Variants in CFAP74 observed in about 807,000 individuals in gnomAD.
CFAP74 encodes the protein cilia and flagella associated protein 74, also known as cilia- and flagella-associated protein 74.
CFAP74 carries 124 observed loss-of-function variants against 188.9 expected under a neutral mutation model. The ratio of observed to expected loss-of-function variants is 0.66; its 90% CI spans 0.57 to 0.76. CFAP74 has a LOEUF of 0.76. CFAP74 is among the 30% of genes least tolerant of loss of function. The pLI, the probability that CFAP74 is intolerant of heterozygous loss-of-function variation, is 0.00. For missense variants in CFAP74, 2,198 were observed against 2,165.2 expected (o/e 1.02, Z -0.30); for synonymous variants, 956 against 916.7 (o/e 1.04, Z -0.77).
At chr1:1,993,968 C>A (rs1052326411) in intron 1 of CFAP74, among the ~76,000 whole-genome samples, 1 of 150,578 alleles carries the variant, frequency 6.6e-6, no homozygotes, top group Non-Finnish European at 1.5e-5. Context: ...GGCGACAGAG[C>A]AAGACTCCGT....
At chr1:1,997,148 C>T (rs1045351407) in intron 1 of CFAP74, among the ~76,000 whole-genome samples, 2 of 152,054 alleles carry the variant, frequency 1.3e-5, no homozygotes, top group Non-Finnish European at 2.9e-5. Context: ...GGCGGCCGGG[C>T]GCGGTGGCGC....
intron 6 of CFAP74, among the ~76,000 whole-genome samples, chr1:1,977,233 A>G (rs1656507853): frequency 2.0e-5 from 3 of 152,164 alleles, no homozygotes; most frequent in Non-Finnish European, 4.4e-5. Context: ...GTTCCAGCAG[A>G]CCAATTTCAG....
chr1:1,970,529 A>G, intron 10 of CFAP74, 130 bp downstream of exon 10: 1 of 1,059,824 alleles, frequency 9.4e-7, no homozygotes, highest in South Asian at 1.6e-5. Flanking sequence ...CCCGTGCCCC[A>G]CAGCCGCCTG....
chr1:1,986,916 C>T, intron 5 of CFAP74, 21 bp downstream of exon 5: 1 of 1,594,088 alleles, frequency 6.3e-7, no homozygotes. Flanking sequence ...GGTTCCCTGC[C>T]CCCTGGCGAG....
intron 14 of CFAP74, 141 bp from the exon 15 acceptor site, chr1:1,960,171 C>T (rs1040105996): frequency 4.3e-6 from 3 of 695,466 alleles, no homozygotes; most frequent in Non-Finnish European, 7.2e-6. Flanking sequence ...CGCCTTCACC[C>T]CGGGGAGTGC....
Position 1,958,101 on chromosome 1 carries a change from T to C in CFAP74, c.1851+1019A>G, listed in dbSNP as rs115831495. Among the ~76,000 whole-genome samples, 1,142 of 152,226 alleles carry C rather than the reference T, an allele frequency of 7.5e-3. 23 individuals carry two copies. Among genetic ancestry groups the C allele is most frequent in the African/African-American group, 0.026 (1,063 of 41,518 alleles). On this transcript the variant is annotated intron_variant, in intron 16 of 38. Transcript: ENST00000682832. ...TCGGTGACTCTCATCCCAACCCCTC[T>C]CCACGGCGACACGCGGTGAAGGAGG...
chr1:1,986,945 C>G lies in CFAP74; in HGVS notation c.387G>C (p.Ala129=), dbSNP rs545273927. Reference sequence around the variant, plus strand: ...TGGCGAGGGCCACCTACATGTTGCCCGCCTCTTCCTCTGTGGCGATCTCGG... The same window carrying G: ...TGGCGAGGGCCACCTACATGTTGCCGGCCTCTTCCTCTGTGGCGATCTCGG... ...VAAEIATEEE[A]GNMAAVGRLQ... Residue 129 remains alanine, a synonymous_variant, in exon 5 of 39, where the codon GCG becomes GCC. Transcript: ENST00000682832. 1.9e-6 allele frequency: 3 copies of G among 1,601,246 alleles called. No homozygotes were observed. The highest frequency in any genetic ancestry group is 2.5e-6 in the Non-Finnish European group (3 of 1,179,376).
chr1:2,002,569 C>T (rs1401295121), intron 1 of CFAP74, among the ~76,000 whole-genome samples: 1 of 150,958 alleles, frequency 6.6e-6, no homozygotes, highest in Non-Finnish European at 1.5e-5. Flanking sequence ...ACTTGGGAGG[C>T]TGAGGCAGGA....
intron 18 of CFAP74, among the ~76,000 whole-genome samples, chr1:1,948,122 T>C (rs983980856): frequency 1.4e-4 from 21 of 151,864 alleles, no homozygotes; most frequent in African/African-American, 3.9e-4. Flanking sequence ...CTGCCCACCT[T>C]GGCCTCCCAA....
intron 18 of CFAP74, among the ~76,000 whole-genome samples, chr1:1,948,033 T>A (rs112296232): frequency 1.3e-5 from 2 of 152,092 alleles, no homozygotes; most frequent in Non-Finnish European, 2.9e-5. Context: ...CCATCATGCC[T>A]GGCTAATTTT....
intron 14 of CFAP74, among the ~76,000 whole-genome samples, chr1:1,963,108 T>A (rs1401153369): frequency 6.6e-6 from 1 of 152,116 alleles, no homozygotes; most frequent in Non-Finnish European, 1.5e-5. Flanking sequence ...ACTGGCTAAT[T>A]GCCAGGGAAA....
chr1:1,935,867 TAC>T (rs35582265), intron 25 of CFAP74, among the ~76,000 whole-genome samples: 1,565 of 147,368 alleles, frequency 0.011, 26 homozygotes, highest in African/African-American at 0.034. Context: ...TTTTCAGCAC[TAC>T]ACACACACAC....
At chr1:1,955,159 A>C in intron 18 of CFAP74, 1 of 1,280,864 alleles carries the variant, frequency 7.8e-7, no homozygotes, top group African/African-American at 1.5e-5. Context: ...ACGCGAAGAC[A>C]GACAGGAGGA....
intron 1 of CFAP74, among the ~76,000 whole-genome samples, chr1:1,992,733 C>T (rs1657661621): frequency 6.6e-6 from 1 of 152,004 alleles, no homozygotes; most frequent in Non-Finnish European, 1.5e-5. Flanking sequence ...CTCGGCCTCC[C>T]AAAGTGCTGG....
chr1:1,994,638 G>C (rs1360646638), intron 1 of CFAP74, among the ~76,000 whole-genome samples: 1 of 152,224 alleles, frequency 6.6e-6, no homozygotes, highest in Non-Finnish European at 1.5e-5. Context: ...CTCTGTGCTT[G>C]TGAATTCCAT....
intron 6 of CFAP74, 31 bp from the exon 7 acceptor site, chr1:1,974,229 G>C: frequency 6.4e-7 from 1 of 1,555,282 alleles, no homozygotes; most frequent in Non-Finnish European, 8.7e-7. Context: ...AGCTGGAGAC[G>C]GGCCCCACAG....
At chr1:1,989,601 C>T (rs1179944467) in intron 2 of CFAP74, among the ~76,000 whole-genome samples, 1 of 152,210 alleles carries the variant, frequency 6.6e-6, no homozygotes, top group Non-Finnish European at 1.5e-5. Context: ...GCTGAGGCTA[C>T]AGATGTGTCC....
At chr1:1,955,039 AAGTGCGGCTCACACC>A (rs1654463178) in intron 18 of CFAP74, 1 of 1,258,066 alleles carries the variant, frequency 7.9e-7, no homozygotes, top group Non-Finnish European at 1.0e-6. Context: ...CTCACACCGG[AAGTGCGGCTCACACC>A]GGAAGTGCGG....
At chr1:1,958,075 A>T (rs1374843021) in intron 16 of CFAP74, among the ~76,000 whole-genome samples, 1 of 152,212 alleles carries the variant, frequency 6.6e-6, no homozygotes, top group Non-Finnish European at 1.5e-5. Flanking sequence ...CTCTGCCACC[A>T]TCGGTGACTC....
Sources: gnomAD v4.1 joint callset for allele counts (sites outside exome capture counted in the v4.1 genomes callset) on GRCh38, gnomAD v4.1.1 for gene constraint, MANE v1.5 for transcripts, NCBI Gene and HGNC (gene_info 2026-07-23, HGNC 2026-07-21) for gene names.